The following KCNT1 variants were observed in gnomAD, a reference collection of about 807,000 sequenced individuals.
KCNT1 encodes potassium sodium-activated channel subfamily T member 1, also known as potassium channel subfamily T member 1.
In KCNT1, 78 loss-of-function variants were observed where a neutral mutation model predicts 147.8. The ratio of observed to expected loss-of-function variants is 0.53; its 90% CI spans 0.44 to 0.64. The LOEUF (loss-of-function observed/expected upper bound fraction) is 0.64, where lower values mean the gene tolerates loss of function less well. KCNT1 is among the 30% of genes least tolerant of loss of function. The pLI, the probability that KCNT1 is intolerant of heterozygous loss-of-function variation, is 0.00. For synonymous variants in KCNT1, 867 were observed against 748.8 expected, an observed-to-expected ratio of 1.16 and a Z score of -2.58; for missense variants, 1,419 against 1,750.3, an observed-to-expected ratio of 0.81 and a Z score of 3.38.
chr9:135,714,329 C>G lies in KCNT1; in HGVS notation c.111-248C>G, dbSNP rs901643120. 1 of 151,886 alleles carries G rather than the reference C, an allele frequency of 6.6e-6. No homozygotes were observed. The highest frequency in any genetic ancestry group is 2.4e-5 in the African/African-American group (1 of 41,348). The allele number at this position is 151,886 out of a possible 1,614,324, so 9.4% of individuals were successfully genotyped here. A position where few individuals can be genotyped will look rare whatever the true frequency, so the allele number is the denominator to read the frequency against. ...CCTTACCTCCTGCCAGGCCCCGGGG[C>G]CGCTTTGGAGGGAGCCCCGCCCCCT... On this transcript the variant is annotated intron_variant, in intron 1 of 30. Transcript: ENST00000371757. The surrounding 1 kb of genome is among the most constrained non-coding windows in gnomAD (Gnocchi z 6.2).
intron 13 of KCNT1, 157 bp from the exon 14 acceptor site, chr9:135,768,453 T>TCCCCGC (rs1479881750): frequency 1.1e-5 from 6 of 549,110 alleles, no homozygotes; most frequent in African/African-American, 9.8e-5. Flanking sequence ...CCTTCCATCC[T>TCCCCGC]CTCCGCCTTC....
At chr9:135,710,648 G>A (rs1303951999) in intron 1 of KCNT1, among the ~76,000 whole-genome samples, 1 of 152,180 alleles carries the variant, frequency 6.6e-6, no homozygotes, top group East Asian at 1.9e-4. Context: ...GGGCCAGACC[G>A]CAGAGTGTCA....
intron 2 of KCNT1, among the ~76,000 whole-genome samples, chr9:135,749,148 C>T (rs1831004103): frequency 6.6e-6 from 1 of 152,208 alleles, no homozygotes; most frequent in South Asian, 2.1e-4. Flanking sequence ...CCTGGCCTAG[C>T]CTGGCCCGCA....
At position 135,714,476 on chromosome 9, in the gene KCNT1, C is replaced by A; in HGVS notation, c.111-101C>A. ...CCGCCCGCCCGGTGGGTCGCGGTGG[C>A]CGCGGGCTGCGCTGCGCGGGCCGGG... On this transcript the variant is annotated intron_variant, in intron 1 of 30. Coordinates refer to ENST00000371757, the MANE Select transcript of KCNT1 (RefSeq NM_020822.3). This position sits in a 1 kb window ranked among gnomAD's most constrained non-coding sequence, Gnocchi z 6.2. 1.2e-6 allele frequency: 1 copy of A among 836,490 alleles called. No individual in the cohort carries two copies. The highest frequency in any genetic ancestry group is 1.4e-6 in the Non-Finnish European group (1 of 697,454). The allele number at this position is 836,490 out of a possible 1,614,324, so 51.8% of individuals were successfully genotyped here.
intron 23 of KCNT1, among the ~76,000 whole-genome samples, 186 bp from the exon 24 acceptor site, chr9:135,779,173 A>AC (rs1334508865): frequency 4.5e-5 from 5 of 110,512 alleles, no homozygotes; most frequent in African/African-American, 7.2e-5. Flanking sequence ...CTGCCCTGAG[A>AC]CCCCCCACAG....
chr9:135,717,518 G>C (rs1033743999), intron 2 of KCNT1, among the ~76,000 whole-genome samples: 4 of 152,130 alleles, frequency 2.6e-5, no homozygotes, highest in African/African-American at 9.7e-5. Flanking sequence ...GGCTGCGGGG[G>C]CTGGTGAGGC....
chr9:135,757,434 C>A, intron 9 of KCNT1, 53 bp downstream of exon 9: 1 of 1,528,860 alleles, frequency 6.5e-7, no homozygotes, highest in Non-Finnish European at 9.0e-7. Flanking sequence ...CCCTCAGCCT[C>A]ACCGGCCCTG....
At chr9:135,744,731 G>A (rs758278896) in intron 2 of KCNT1, among the ~76,000 whole-genome samples, 9 of 152,234 alleles carry the variant, frequency 5.9e-5, no homozygotes, top group Non-Finnish European at 1.2e-4. Context: ...CAGGGCCAGG[G>A]CCAGGGTTTG....
intron 20 of KCNT1, among the ~76,000 whole-genome samples, chr9:135,775,894 A>T (rs569516081): frequency 7.4e-4 from 112 of 151,628 alleles, no homozygotes; most frequent in African/African-American, 2.7e-3. Context: ...CGTCTTAGCA[A>T]CTCCTTTCTC....
At chr9:135,777,214 G>A in intron 20 of KCNT1, 124 bp from the exon 21 acceptor site, 1 of 1,028,804 alleles carries the variant, frequency 9.7e-7, no homozygotes, top group Non-Finnish European at 1.4e-6. Context: ...TGAAAGGGCT[G>A]TGGGCCGAGA....
chr9:135,790,699 GGAGAGGACGGGCA>G (rs1277703086), intron 29 of KCNT1: 1 of 152,420 alleles, frequency 6.6e-6, no homozygotes, highest in Admixed American at 6.5e-5. Context: ...TACCCCAAGG[GGAGAGGACGGGCA>G]GAGAGGAGGG....
chr9:135,754,739 G>GA (rs900899794), intron 5 of KCNT1, among the ~76,000 whole-genome samples: 1 of 152,144 alleles, frequency 6.6e-6, no homozygotes, highest in African/African-American at 2.4e-5. Flanking sequence ...GGACCCAGGT[G>GA]AAAAAAACAG....
At chr9:135,756,586 G>A (rs1015166593) in intron 6 of KCNT1, among the ~76,000 whole-genome samples, 4 of 152,142 alleles carry the variant, frequency 2.6e-5, no homozygotes, top group Admixed American at 2.0e-4. Flanking sequence ...GCTCTCTGGT[G>A]TCTTCCTGAG....
chr9:135,759,275 G>A (rs1279915165), intron 10 of KCNT1, among the ~76,000 whole-genome samples: 1 of 152,186 alleles, frequency 6.6e-6, no homozygotes, highest in Non-Finnish European at 1.5e-5. Context: ...CTGAGATGGG[G>A]GTAGAGGGCC....
At chr9:135,769,067 GCA>G (rs1406369116) in intron 15 of KCNT1, 130 bp downstream of exon 15, 16 of 709,486 alleles carry the variant, frequency 2.3e-5, no homozygotes, top group Non-Finnish European at 3.3e-5. Flanking sequence ...GGACGCGTGT[GCA>G]CACGTGGGTG....
chr9:135,786,192 C>T lies in KCNT1; in HGVS notation c.3178-5C>T, dbSNP rs753073468. ...CCCCGCCCTGCCCTGCCCTGCCCTG[C>T]CCAGTCCCAGATCTCGGTGAACGTG... On this transcript the variant is annotated splice_polypyrimidine_tract_variant and splice_region_variant and intron_variant, in intron 28 of 30. Transcript: ENST00000371757. The T allele has an allele frequency of 2.0e-6, 3 of 1,508,556 alleles. No individual in the cohort carries two copies. The highest frequency in any genetic ancestry group is 1.7e-5 in the Admixed American group (1 of 58,228). The allele number at this position is 1,508,556 out of a possible 1,614,324, so 93.4% of individuals were successfully genotyped here.
intron 3 of KCNT1, chr9:135,750,723 C>T (rs1187853446): frequency 1.7e-5 from 10 of 589,678 alleles, no homozygotes. Context: ...CAAGTTCAGG[C>T]ACCTGTAAGG....
intron 24 of KCNT1, among the ~76,000 whole-genome samples, chr9:135,782,294 C>T (rs1210734584): frequency 1.3e-5 from 2 of 152,332 alleles, no homozygotes; most frequent in Non-Finnish European, 2.9e-5. Flanking sequence ...CTCCAGAAGG[C>T]TCTCAGAGCC....
chr9:135,791,767 G>A (rs958867388), intron 29 of KCNT1, 30 bp from the exon 30 acceptor site: 7 of 1,601,658 alleles, frequency 4.4e-6, no homozygotes, highest in Middle Eastern at 1.7e-4. Flanking sequence ...GGCTGGGGGG[G>A]TGACGTCTGC....
Sources: allele counts gnomAD v4.1 joint callset (sites outside exome capture counted in the v4.1 genomes callset), GRCh38; gene constraint gnomAD v4.1.1; non-coding constraint Gnocchi (gnomAD v3.1); transcripts MANE v1.5; gene names NCBI Gene and HGNC (gene_info 2026-07-23, HGNC 2026-07-21).